FRK: variants seen among roughly 807,000 people sequenced by gnomAD.
The protein encoded by FRK is tyrosine-protein kinase FRK.
Under a neutral mutation model 56.4 loss-of-function variants are expected in FRK, and 51 were observed. The observed-to-expected ratio is 0.90, with a 90% CI of 0.72 to 1.14. FRK has a LOEUF of 1.14. Among genes scored for constraint, FRK ranks in the 50% most tolerant of loss-of-function variants. The pLI is 0.00. For synonymous variants in FRK, 245 were observed against 217.9 expected, an observed-to-expected ratio of 1.12 and a Z score of -1.10; for missense variants, 570 against 601.4, an observed-to-expected ratio of 0.95 and a Z score of 0.55.
intron 4 of FRK, among the ~76,000 whole-genome samples, chr6:115,957,214 C>G (rs3777427): frequency 0.041 from 6,174 of 152,264 alleles, 338 homozygotes; most frequent in Admixed American, 0.15. Context: ...CCTGTACTAT[C>G]TGCTTCCACA....
chr6:115,940,563 T>A lies in FRK; in HGVS notation c.*1851A>T, dbSNP rs1369654461. 1.3e-5 allele frequency: 2 copies of A among 151,476 alleles called. No homozygotes were observed. The highest frequency in any genetic ancestry group is 4.9e-5 in the African/African-American group (2 of 41,188). 9.4% of individuals were successfully genotyped at this position (151,476 alleles called of 1,614,324 possible). The stretch of plus-strand genomic sequence containing the variant: ...AGGCAACCTACAGAATGGGAGAAAA[T>A]TTTTGCAAGCTATCCATCTGACAAA... On this transcript the variant is annotated 3_prime_UTR_variant, in exon 8 of 8. Transcript: ENST00000606080.
the FRK span, among the ~76,000 whole-genome samples, chr6:116,079,579 T>C: frequency 1.3e-5 from 2 of 152,120 alleles, no homozygotes; most frequent in Non-Finnish European, 2.9e-5. Context: ...ATAATATTTA[T>C]TATATTGTTT....
At chr6:115,997,973 A>T (rs565563626) in intron 2 of FRK, among the ~76,000 whole-genome samples, 1 of 152,308 alleles carries the variant, frequency 6.6e-6, no homozygotes, top group South Asian at 2.1e-4. Context: ...GAACCTTGCA[A>T]ATAACTGATA....
chr6:116,074,495 G>A, the FRK span, among the ~76,000 whole-genome samples: 266 of 152,036 alleles, frequency 1.7e-3, 4 homozygotes, highest in African/African-American at 6.0e-3. Context: ...GATATACATG[G>A]GGCAAAATTA....
intron 2 of FRK, among the ~76,000 whole-genome samples, chr6:115,971,068 G>T (rs1371076115): frequency 6.6e-6 from 1 of 152,100 alleles, no homozygotes; most frequent in Non-Finnish European, 1.5e-5. Context: ...AAATTTTTAT[G>T]AATTGTGTAC....
rs566333437 is a variant in FRK, at chr6:116,039,006, G to A, written c.344+20962C>T. ...GGAGATCAGCCCTGGCATGATCAAA[G>A]ACTGCAAAGCCAATCGAGGGTCCTG... On this transcript the variant is annotated intron_variant, in intron 1 of 7. Coordinates refer to ENST00000606080, the MANE Select transcript of FRK (RefSeq NM_002031.3). 58 of 729,824 alleles carry A rather than the reference G, an allele frequency of 7.9e-5. 1 individual carries two copies. The highest frequency in any genetic ancestry group is 6.0e-4 in the African/African-American group (35 of 57,916). 45.2% of individuals were successfully genotyped at this position (729,824 alleles called of 1,614,324 possible).
At chr6:116,002,840 T>A in intron 2 of FRK, 1 of 379,626 alleles carries the variant, frequency 2.6e-6, no homozygotes, top group East Asian at 7.9e-5. Flanking sequence ...CTCCAACCCA[T>A]CTGCCCTGAT....
chr6:116,031,741 T>C (rs2114763755), intron 1 of FRK, among the ~76,000 whole-genome samples: 1 of 152,252 alleles, frequency 6.6e-6, no homozygotes, highest in South Asian at 2.1e-4. Flanking sequence ...TAGGTTTCTT[T>C]CAATTTGTTT....
intron 5 of FRK, among the ~76,000 whole-genome samples, chr6:115,956,238 T>G (rs541654720): frequency 6.6e-6 from 1 of 152,282 alleles, no homozygotes; most frequent in African/African-American, 2.4e-5. Flanking sequence ...GTGAATAATT[T>G]TCTCTTCCAC....
At chr6:116,026,269 G>A (rs7745074) in intron 1 of FRK, among the ~76,000 whole-genome samples, 58,284 of 151,770 alleles carry the variant, frequency 0.38, 11,570 homozygotes, top group Middle Eastern at 0.5. Context: ...AGCTATATAC[G>A]CTATGGCTAA....
At chr6:115,960,311 C>CA (rs1239494927) in intron 4 of FRK, among the ~76,000 whole-genome samples, 6 of 150,976 alleles carry the variant, frequency 4.0e-5, no homozygotes, top group Admixed American at 4.0e-4. Context: ...CGGGTCACTC[C>CA]CACCCGAATA....
intron 1 of FRK, among the ~76,000 whole-genome samples, chr6:116,026,328 G>A (rs1224064883): frequency 6.6e-6 from 1 of 152,078 alleles, no homozygotes; most frequent in Non-Finnish European, 1.5e-5. Context: ...TTAGAATCAA[G>A]ACTTCTGATT....
intron 1 of FRK, among the ~76,000 whole-genome samples, chr6:116,005,329 C>G (rs1345638155): frequency 1.3e-5 from 2 of 152,158 alleles, no homozygotes; most frequent in Non-Finnish European, 2.9e-5. Flanking sequence ...TACTCAAGGT[C>G]ATCTGGAGCT....
At chr6:116,042,248 T>A (rs1303194263) in intron 1 of FRK, among the ~76,000 whole-genome samples, 2 of 152,040 alleles carry the variant, frequency 1.3e-5, no homozygotes, top group Non-Finnish European at 2.9e-5. Context: ...GCAGCCCCAA[T>A]CAGGGGCTTA....
the FRK span, among the ~76,000 whole-genome samples, chr6:116,070,546 G>A: frequency 6.6e-6 from 1 of 152,088 alleles, no homozygotes; most frequent in African/African-American, 2.4e-5. Context: ...TTCTTGGAAT[G>A]CTGCATTTAT....
the FRK span, among the ~76,000 whole-genome samples, chr6:116,081,124 C>G: frequency 6.6e-6 from 1 of 152,162 alleles, no homozygotes; most frequent in Non-Finnish European, 1.5e-5. Context: ...ATCTCGAGAA[C>G]AGCATAGGAA....
chr6:115,982,604 A>T (rs960670227), intron 2 of FRK, among the ~76,000 whole-genome samples: 3 of 152,102 alleles, frequency 2.0e-5, no homozygotes, highest in African/African-American at 7.2e-5. Flanking sequence ...CTGGCTAATC[A>T]TCTTCCTAAT....
At chr6:116,019,521 T>A (rs1775783244) in intron 1 of FRK, among the ~76,000 whole-genome samples, 1 of 152,176 alleles carries the variant, frequency 6.6e-6, no homozygotes, top group Non-Finnish European at 1.5e-5. Flanking sequence ...ATGTAAAGAA[T>A]AACATTTGGA....
intron 2 of FRK, among the ~76,000 whole-genome samples, chr6:115,983,469 A>T (rs1774281977): frequency 6.6e-6 from 1 of 152,148 alleles, no homozygotes; most frequent in Non-Finnish European, 1.5e-5. Context: ...CTTAAAGGGA[A>T]ATACTAGGTT....
Sources: gnomAD v4.1 joint callset for allele counts (sites outside exome capture counted in the v4.1 genomes callset) on GRCh38, gnomAD v4.1.1 for gene constraint, MANE v1.5 for transcripts, NCBI Gene and HGNC (gene_info 2026-07-23, HGNC 2026-07-21) for gene names.